MACIR: variants seen among roughly 807,000 people sequenced by gnomAD.
MACIR encodes the protein UNC119-binding protein C5orf30.
A neutral mutation model predicts 14.3 loss-of-function variants in MACIR; 4 were observed. The ratio of observed to expected loss-of-function variants is 0.28; its 90% CI spans 0.14 to 0.64. MACIR has a LOEUF of 0.64. Among genes scored for constraint, MACIR ranks in the 30% least tolerant of loss-of-function variants. MACIR has a pLI of 0.83. For synonymous variants in MACIR, 101 were observed against 102.4 expected (o/e 0.99, Z 0.08); for missense variants, 228 against 257.6 (o/e 0.89, Z 0.79).
At chr5:103,261,682 C>CTTTTTCTTTCTTTCTTTCT (rs1469674229) in intron 1 of MACIR, among the ~76,000 whole-genome samples, 1 of 123,612 alleles carries the variant, frequency 8.1e-6, no homozygotes, top group Non-Finnish European at 1.7e-5. Context: ...TTCTTTCTTT[C>CTTTTTCTTTCTTTCTTTCT]TTTCTTTCTT....
rs1805366883 is a variant in MACIR, at chr5:103,277,130, A to T, written c.*590A>T. The T allele has an allele frequency of 6.0e-6, 1 of 167,096 alleles. No homozygotes were observed. Among genetic ancestry groups the T allele is most frequent in the Non-Finnish European group, 1.5e-5 (1 of 68,118 alleles). 10.4% of individuals were successfully genotyped at this position (167,096 alleles called of 1,614,324 possible). On this transcript the variant is annotated 3_prime_UTR_variant, in exon 3 of 3. Coordinates refer to ENST00000319933, the MANE Select transcript of MACIR (RefSeq NM_033211.4). ...TTCACTTGCCTCAATAATGTTATTG[A>T]GCAATGAATTTTTTATTTCCGCATG... is the stretch of plus-strand genomic sequence containing the variant.
At position 103,261,852 on chromosome 5, in the gene MACIR, T is replaced by A. The variant is rs142733241; in HGVS notation, c.-114+2956T>A. Among the ~76,000 whole-genome samples the A allele has an allele frequency of 3.5e-3, 539 of 152,184 alleles. 7 individuals are homozygous for A. The highest frequency in any genetic ancestry group is 0.012 in the African/African-American group (511 of 41,516). On this transcript the variant is annotated intron_variant, in intron 1 of 2. Transcript: ENST00000319933. ...TGTACCAATTTCTCTGCCTAAAATT[T>A]GTCCTTTCATAATATAAACTTTAAT...
rs141793526 is a variant in MACIR, at chr5:103,276,717, TG to T, written c.*186del. 0.018 allele frequency: 9,157 copies of T among 507,434 alleles called. 556 individuals are homozygous for T. The highest frequency in any genetic ancestry group is 0.15 in the African/African-American group (7,489 of 50,882). 31.4% of individuals were successfully genotyped at this position (507,434 alleles called of 1,614,324 possible). On this transcript the variant is annotated 3_prime_UTR_variant, in exon 3 of 3. Coordinates refer to ENST00000319933, the MANE Select transcript of MACIR (RefSeq NM_033211.4). ...ATACAGGAATGAAATCACAGGTACT[TG>T]GGGGGGGGATATCATTCTAGAGCAC...
intron 2 of MACIR, among the ~76,000 whole-genome samples, chr5:103,274,365 TAATATA>T (rs1307285246): frequency 6.7e-6 from 1 of 150,092 alleles, no homozygotes; most frequent in African/African-American, 2.4e-5. Context: ...TTTATATAAA[TAATATA>T]AATAAAAATA....
chr5:103,261,951 T>C (rs1289027248), intron 1 of MACIR, among the ~76,000 whole-genome samples: 1 of 152,130 alleles, frequency 6.6e-6, no homozygotes, highest in African/African-American at 2.4e-5. Flanking sequence ...TCTTATGATT[T>C]GTGATCAATG....
intron 2 of MACIR, among the ~76,000 whole-genome samples, chr5:103,271,664 G>A (rs1805131033): frequency 6.6e-6 from 1 of 151,914 alleles, no homozygotes; most frequent in Non-Finnish European, 1.5e-5. Flanking sequence ...GGATTGTGAG[G>A]GAATTAGATA....
chr5:103,271,178 A>G (rs781981345), intron 2 of MACIR, among the ~76,000 whole-genome samples: 6 of 152,168 alleles, frequency 3.9e-5, no homozygotes, highest in Non-Finnish European at 4.4e-5. Context: ...GAGTTTCTTA[A>G]ATGAAATACA....
At chr5:103,259,462 T>C (rs553409686) in intron 1 of MACIR, 1 of 152,268 alleles carries the variant, frequency 6.6e-6, no homozygotes, top group South Asian at 2.1e-4. Context: ...GCAGCGGGCC[T>C]GGAGGCCCCT....
chr5:103,262,798 C>A (rs2149921934), intron 1 of MACIR, among the ~76,000 whole-genome samples: 1 of 152,252 alleles, frequency 6.6e-6, no homozygotes, highest in South Asian at 2.1e-4. Flanking sequence ...AGCCTTTGCT[C>A]TATTTACTTC....
intron 2 of MACIR, 53 bp from the exon 3 acceptor site, chr5:103,275,844 G>C: frequency 2.0e-6 from 3 of 1,495,522 alleles, no homozygotes; most frequent in Admixed American, 4.0e-5. Flanking sequence ...GACCTGGCCT[G>C]GCCCAAGTCT....
At position 103,276,448 on chromosome 5, in the gene MACIR, A is replaced by T. The variant is rs781995637; in HGVS notation, c.529A>T (p.Ile177Phe). The change falls in exon 3 of 3, where the codon ATC becomes TTC. Residue 177 changes from isoleucine to phenylalanine, a missense_variant. Ile to Phe is a conservative substitution (Grantham distance 21). Coordinates refer to ENST00000319933, the MANE Select transcript of MACIR (RefSeq NM_033211.4). ...SLDYLNLDKM[I>F]KEPADTEVLQ... ...GGACTACCTCAATCTAGATAAAATG[A>T]TCAAGGAGCCAGCTGATACAGAAGT... The T allele has an allele frequency of 8.1e-6, 13 of 1,614,062 alleles. No homozygotes were observed. The highest frequency in any genetic ancestry group is 3.3e-5 in the Admixed American group (2 of 60,006).
chr5:103,276,601 C>G lies in MACIR; in HGVS notation c.*61C>G. 7.0e-7 allele frequency: 1 copy of G among 1,438,352 alleles called. No homozygotes were observed. The highest frequency in any genetic ancestry group is 9.5e-7 in the Non-Finnish European group (1 of 1,056,584). 89.1% of individuals were successfully genotyped at this position (1,438,352 alleles called of 1,614,324 possible). Reference sequence around the variant, plus strand: ...CCTACGCTTGGCTAGAAAAAACCCACTGCTGTACTCTGTACATGACTCTTC... The same window carrying G: ...CCTACGCTTGGCTAGAAAAAACCCAGTGCTGTACTCTGTACATGACTCTTC... On this transcript the variant is annotated 3_prime_UTR_variant, in exon 3 of 3. Transcript: ENST00000319933.
At chr5:103,275,334 T>C (rs1554237532) in intron 2 of MACIR, among the ~76,000 whole-genome samples, 1 of 152,206 alleles carries the variant, frequency 6.6e-6, no homozygotes, top group African/African-American at 2.4e-5. Flanking sequence ...GAATAGTTTT[T>C]TAGGTCTAAA....
chr5:103,262,627 T>A (rs1467500397), intron 1 of MACIR, among the ~76,000 whole-genome samples: 2 of 152,236 alleles, frequency 1.3e-5, no homozygotes, highest in Non-Finnish European at 2.9e-5. Context: ...AGTGAAATGT[T>A]GGGTGTCTTT....
rs954694250 is a variant in MACIR, at chr5:103,259,972, G to C, written c.-114+1076G>C. Among the ~76,000 whole-genome samples, 5 of 150,736 alleles carry C rather than the reference G, an allele frequency of 3.3e-5. No individual in the cohort carries two copies. In the South Asian group the frequency reaches 6.3e-4, roughly 19 times the overall value. On this transcript the variant is annotated intron_variant, in intron 1 of 2. Coordinates refer to ENST00000319933, the MANE Select transcript of MACIR (RefSeq NM_033211.4). ...TTTTCCCCTTGCTAGTGTTCCACAC[G>C]CTTAGGGACTCCCTGCCTCTCCTTC...
chr5:103,276,554 A>G lies in MACIR; in HGVS notation c.*14A>G. ...AATAATACATGAATGACTTGGAGAG[A>G]GCTTAAACCAATTTAGGTCAGCCTA... On this transcript the variant is annotated 3_prime_UTR_variant, in exon 3 of 3. Transcript: ENST00000319933. The G allele has an allele frequency of 6.3e-7, 1 of 1,592,216 alleles. No homozygotes were observed. Among genetic ancestry groups the G allele is most frequent in the South Asian group, 1.1e-5 (1 of 87,520 alleles).
chr5:103,261,612 A>T (rs956119917), intron 1 of MACIR, among the ~76,000 whole-genome samples: 1 of 147,012 alleles, frequency 6.8e-6, no homozygotes, highest in Admixed American at 6.7e-5. Flanking sequence ...TTAAATAGCC[A>T]CTCTGAAAAT....
chr5:103,262,285 T>C (rs1804756681), intron 1 of MACIR, among the ~76,000 whole-genome samples: 1 of 76,570 alleles, frequency 1.3e-5, no homozygotes, highest in Non-Finnish European at 2.5e-5. Flanking sequence ...AGTGAATATC[T>C]AAGTGGGTAC....
In MACIR at chr5:103,269,902, C is replaced by CT. The variant is rs1331316391; in HGVS notation, c.-24+3911dup. Among the ~76,000 whole-genome samples the CT allele has an allele frequency of 5.5e-3, 834 of 151,642 alleles. 14 individuals carry two copies. The highest frequency in any genetic ancestry group is 0.019 in the African/African-American group (799 of 41,070). ...ATAAATGAATGAAATGTTATCTTTC[C>CT]TTTTTTGAAGGAAAGTTTACATTTA... is the stretch of plus-strand genomic sequence containing the variant. On this transcript the variant is annotated intron_variant, in intron 2 of 2. Coordinates refer to ENST00000319933, the MANE Select transcript of MACIR (RefSeq NM_033211.4).
Sources: allele counts gnomAD v4.1 joint callset (sites outside exome capture counted in the v4.1 genomes callset), GRCh38; gene constraint gnomAD v4.1.1; transcripts MANE v1.5; gene names NCBI Gene and HGNC (gene_info 2026-07-23, HGNC 2026-07-21).